Variants in CAV3 observed in about 807,000 individuals in gnomAD.
The protein encoded by CAV3 is caveolin-3.
CAV3 carries 10 observed loss-of-function variants against 13.4 expected under a neutral mutation model. The observed-to-expected ratio is 0.75, with a 90% CI of 0.46 to 1.27. The LOEUF (loss-of-function observed/expected upper bound fraction) is 1.27, where lower values mean the gene tolerates loss of function less well. Among genes scored for constraint, CAV3 ranks in the 50% most tolerant of loss-of-function variants. The pLI is 0.00. For missense variants in CAV3, 162 were observed against 194.0 expected, an observed-to-expected ratio of 0.83 and a Z score of 0.98; for synonymous variants, 90 against 79.0, an observed-to-expected ratio of 1.14 and a Z score of -0.74.
intron 1 of CAV3, 134 bp downstream of exon 1, chr3:8,734,124 AC>A (rs1312287421): frequency 1.6e-4 from 105 of 645,600 alleles, no homozygotes; most frequent in Admixed American, 4.1e-4. Flanking sequence ...TCTCTGTATC[AC>A]CCCCCCAACC....
chr3:8,742,233 C>T (rs1183862704), intron 1 of CAV3, among the ~76,000 whole-genome samples: 3 of 152,052 alleles, frequency 2.0e-5, no homozygotes, highest in Non-Finnish European at 2.9e-5. Flanking sequence ...CCTCCAAGCC[C>T]AGCCCAGCCC....
Position 8,745,758 on chromosome 3 carries a change from G to T in CAV3, c.347G>T (p.Cys116Phe). 1 of 1,614,106 alleles carries T rather than the reference G, an allele frequency of 6.2e-7. No individual in the cohort carries two copies. Among genetic ancestry groups the T allele is most frequent in the Non-Finnish European group, 8.5e-7 (1 of 1,180,044 alleles). ...CIKSYLIEIQ[C>F]ISHIYSLCIR... is the part of the protein sequence containing the mutation. ...AAGAGCTACCTGATCGAGATCCAGT[G>T]CATCAGCCACATCTACTCACTCTGC... Residue 116 changes from cysteine (C) to phenylalanine (F), a missense_variant, in exon 2 of 2, where the codon TGC (cysteine) becomes TTC (phenylalanine). By Grantham distance (205) the Cys-to-Phe change is radical (BLOSUM62 -2). Transcript: ENST00000343849. The surrounding 1 kb of genome is among the most constrained non-coding windows in gnomAD (Gnocchi z 4.8).
Position 8,745,716 on chromosome 3 carries a change from C to A in CAV3, c.305C>A (p.Ala102Glu). ...TGCATCTCCTTCTGCCACATCTGGG[C>A]GGTGGTGCCATGCATTAAGAGCTAC... ...FACISFCHIWAVVPCIKSYLI... is the reference protein window; with the variant it reads ...FACISFCHIWEVVPCIKSYLI... Residue 102 changes from alanine (A) to glutamate (E), a missense_variant, in exon 2 of 2, where the codon GCG becomes GAG. By Grantham distance (107) the Ala-to-Glu change is moderately radical. Transcript: ENST00000343849. The surrounding 1 kb of genome is among the most constrained non-coding windows in gnomAD (Gnocchi z 4.8). 1.2e-6 allele frequency: 2 copies of A among 1,614,146 alleles called. No homozygotes were observed. Among genetic ancestry groups the A allele is most frequent in the Non-Finnish European group, 1.7e-6 (2 of 1,180,044 alleles).
intron 1 of CAV3, chr3:8,742,383 A>G: frequency 2.8e-6 from 1 of 361,634 alleles, no homozygotes; most frequent in South Asian, 2.0e-5. Flanking sequence ...AAGAAGAAGA[A>G]GAAGAAGAAA....
At chr3:8,743,789 A>C (rs142378290) in intron 1 of CAV3, among the ~76,000 whole-genome samples, 2 of 152,322 alleles carry the variant, frequency 1.3e-5, no homozygotes, top group Non-Finnish European at 2.9e-5. Context: ...GGTTCTAGTC[A>C]CTTCTTTCCC....
intron 1 of CAV3, chr3:8,742,428 G>A: frequency 2.4e-6 from 1 of 424,126 alleles, no homozygotes; most frequent in Non-Finnish European, 4.7e-6. Flanking sequence ...GCCATTGGCG[G>A]TAGGATTATT....
intron 1 of CAV3, among the ~76,000 whole-genome samples, chr3:8,736,842 G>C (rs927066505): frequency 6.6e-6 from 1 of 152,230 alleles, no homozygotes; most frequent in African/African-American, 2.4e-5. Context: ...CTGCTTTAGG[G>C]ATTTGTTTGA....
intron 1 of CAV3, among the ~76,000 whole-genome samples, chr3:8,735,667 T>A (rs1180513467): frequency 6.6e-6 from 1 of 152,178 alleles, no homozygotes; most frequent in Non-Finnish European, 1.5e-5. Context: ...AAGCCTAGCC[T>A]CTCCACGTGG....
chr3:8,739,325 T>A (rs1707864578), intron 1 of CAV3, among the ~76,000 whole-genome samples: 1 of 152,132 alleles, frequency 6.6e-6, no homozygotes, highest in African/African-American at 2.4e-5. Context: ...AAAAGTTTCA[T>A]GCTCAGGCCA....
chr3:8,737,342 C>G (rs974802314), intron 1 of CAV3, among the ~76,000 whole-genome samples: 2 of 152,186 alleles, frequency 1.3e-5, no homozygotes, highest in African/African-American at 4.8e-5. Context: ...TGAGGAAATC[C>G]TTTGCCCTCT....
At position 8,745,778 on chromosome 3, in the gene CAV3, C is replaced by T; in HGVS notation, c.367C>T (p.Leu123Phe). ...CCAGTGCATCAGCCACATCTACTCA[C>T]TCTGCATCCGCACCTTCTGCAACCC... Reference protein sequence around the residue: ...EIQCISHIYSLCIRTFCNPLF... With the variant: ...EIQCISHIYSFCIRTFCNPLF... The change falls in exon 2 of 2, where the codon CTC becomes TTC. Residue 123 changes from leucine to phenylalanine, a missense_variant. Leu to Phe is a conservative substitution (Grantham distance 22, BLOSUM62 0). Transcript: ENST00000343849. This position sits in a 1 kb window ranked among gnomAD's most constrained non-coding sequence, Gnocchi z 4.8. 2 of 1,614,124 alleles carry T rather than the reference C, an allele frequency of 1.2e-6. No homozygotes were observed. Among genetic ancestry groups the T allele is most frequent in the Non-Finnish European group, 1.7e-6 (2 of 1,180,038 alleles).
chr3:8,736,714 T>G (rs1575466930), intron 1 of CAV3, among the ~76,000 whole-genome samples: 2 of 152,338 alleles, frequency 1.3e-5, no homozygotes, highest in African/African-American at 2.4e-5. Context: ...CTCCTGGGGC[T>G]GAGAGCTGTC....
At chr3:8,742,624 C>A in intron 1 of CAV3, 4 of 438,152 alleles carry the variant, frequency 9.1e-6, no homozygotes, top group Non-Finnish European at 1.8e-5. Context: ...ATTACCATCA[C>A]TGAGCAATAT....
At chr3:8,739,223 G>T (rs1707861508) in intron 1 of CAV3, among the ~76,000 whole-genome samples, 1 of 152,134 alleles carries the variant, frequency 6.6e-6, no homozygotes, top group Admixed American at 6.5e-5. Context: ...CAGTGGTGGG[G>T]GCACTTACTA....
chr3:8,745,235 C>G lies in CAV3; in HGVS notation c.115-291C>G, dbSNP rs1708115053. On this transcript the variant is annotated intron_variant, in intron 1 of 1. Coordinates refer to ENST00000343849, the MANE Select transcript of CAV3 (RefSeq NM_033337.3). This position sits in a 1 kb window ranked among gnomAD's most constrained non-coding sequence, Gnocchi z 4.8. ...AGGGGAGACGCCTGCTCTCCCTTCT[C>G]TAGCCATGGTTGAAAGCTCCCTGCG... 6.6e-6 allele frequency among the ~76,000 whole-genome samples: 1 copy of G among 152,166 alleles called. No homozygotes were observed. The highest frequency in any genetic ancestry group is 2.4e-5 in the African/African-American group (1 of 41,434).
In CAV3 at chr3:8,745,414, C is replaced by A; in HGVS notation, c.115-112C>A. ...TAGCCTAATACAGGTAGGGTCCAGC[C>A]ACCAAGGTTAACCTGACCTCTAGGG... On this transcript the variant is annotated intron_variant, in intron 1 of 1. Coordinates refer to ENST00000343849, the MANE Select transcript of CAV3 (RefSeq NM_033337.3). The surrounding 1 kb of genome is among the most constrained non-coding windows in gnomAD (Gnocchi z 4.8). 2 of 791,968 alleles carry A rather than the reference C, an allele frequency of 2.5e-6. No homozygotes were observed. Among genetic ancestry groups the A allele is most frequent in the Non-Finnish European group, 4.4e-6 (2 of 457,070 alleles). The allele number at this position is 791,968 out of a possible 1,614,324, so 49.1% of individuals were successfully genotyped here.
At chr3:8,734,869 C>T (rs9819003) in intron 1 of CAV3, among the ~76,000 whole-genome samples, 10,275 of 152,270 alleles carry the variant, frequency 0.067, 385 homozygotes, top group Middle Eastern at 0.095. Flanking sequence ...CAGGCGAGTG[C>T]CACCATGCCC....
At chr3:8,736,457 T>C (rs1489355017) in intron 1 of CAV3, among the ~76,000 whole-genome samples, 1 of 152,202 alleles carries the variant, frequency 6.6e-6, no homozygotes, top group Non-Finnish European at 1.5e-5. Flanking sequence ...GCAAGAGAGC[T>C]AAGCCAGGAG....
intron 1 of CAV3, among the ~76,000 whole-genome samples, chr3:8,736,619 G>A (rs549757855): frequency 1.3e-5 from 2 of 152,358 alleles, no homozygotes; most frequent in East Asian, 3.9e-4. Flanking sequence ...AGCCAGGAGG[G>A]AGCCAGCTCC....
Sources: allele counts gnomAD v4.1 joint callset (sites outside exome capture counted in the v4.1 genomes callset), GRCh38; gene constraint gnomAD v4.1.1; non-coding constraint Gnocchi (gnomAD v3.1); transcripts MANE v1.5; gene names NCBI Gene and HGNC (gene_info 2026-07-23, HGNC 2026-07-21).